PTPRH: variants seen among roughly 807,000 people sequenced by gnomAD.
PTPRH encodes the protein receptor-type tyrosine-protein phosphatase H.
PTPRH carries 113 observed loss-of-function variants against 130.2 expected under a neutral mutation model. That is an observed-to-expected ratio of 0.87 (90% CI 0.75 to 1.01). The LOEUF is 1.01. PTPRH is among the 50% of genes least tolerant of loss of function. The pLI is 0.00. For synonymous variants in PTPRH, 556 were observed against 577.9 expected (o/e 0.96, Z 0.54); for missense variants, 1,430 against 1,425.0 (o/e 1.00, Z -0.06).
chr19:55,190,966 C>T (rs919488241), intron 12 of PTPRH, among the ~76,000 whole-genome samples: 3 of 152,062 alleles, frequency 2.0e-5, no homozygotes, highest in Non-Finnish European at 4.4e-5. Context: ...CTCAGCCTCC[C>T]AAGTAGCTGG....
Position 55,181,767 on chromosome 19 carries a change from T to C in PTPRH, c.3335A>G (p.Lys1112Arg). 1 of 1,614,130 alleles carries C rather than the reference T, an allele frequency of 6.2e-7. No homozygotes were observed. The highest frequency in any genetic ancestry group is 2.2e-5 in the East Asian group (1 of 44,888). Residue 1112 changes from lysine to arginine, a missense_variant, in exon 20 of 20, where the codon AAG becomes AGG. By Grantham distance (26) the Lys-to-Arg change is conservative (BLOSUM62 2). Coordinates refer to ENST00000376350, the MANE Select transcript of PTPRH (RefSeq NM_002842.5). Reference protein sequence around the residue: ...YENVAAIQAHKLEV With the variant: ...YENVAAIQAHRLEV The stretch of plus-strand genomic sequence containing the variant: ...CCCCCTCGTCACTTAGACCTCCAAC[T>C]TGTGGGCCTGGATGGCGGCCACGTT...
Position 55,186,314 on chromosome 19 carries a change from G to A in PTPRH, c.2689C>T (p.Pro897Ser), listed in dbSNP as rs762806635. The A allele has an allele frequency of 2.2e-5, 36 of 1,614,080 alleles. No homozygotes were observed. Among genetic ancestry groups the A allele is most frequent in the Non-Finnish European group, 2.9e-5 (34 of 1,179,972 alleles). The part of the protein sequence containing the change: ...QEFIATQGPL[P>S]QTVGDFWRLV... ...CGCCAGAAGTCACCCACTGTCTGTG[G>A]CAGGGGACCCTGGGTTGCAATGAAC... The change falls in exon 16 of 20, where the codon CCA (proline) becomes TCA (serine). Residue 897 changes from proline (P) to serine (S), a missense_variant. Transcript: ENST00000376350.
chr19:55,204,192 T>C, intron 4 of PTPRH, 144 bp from the exon 5 acceptor site: 1 of 920,092 alleles, frequency 1.1e-6, no homozygotes, highest in South Asian at 1.8e-5. Flanking sequence ...CGATCTCGGC[T>C]CACCACAGCC....
At chr19:55,198,167 G>A (rs1303408293) in intron 8 of PTPRH, among the ~76,000 whole-genome samples, 1 of 152,150 alleles carries the variant, frequency 6.6e-6, no homozygotes, top group Admixed American at 6.6e-5. Context: ...CAGTAACCAT[G>A]ATCACACTAC....
chr19:55,187,973 A>T, intron 13 of PTPRH, 105 bp downstream of exon 13: 1 of 717,700 alleles, frequency 1.4e-6, no homozygotes, highest in South Asian at 1.5e-5. Flanking sequence ...ATGTGATGCT[A>T]CTTTTGCTTA....
intron 1 of PTPRH, 150 bp from the exon 2 acceptor site, chr19:55,207,349 CTCGACCG>C: frequency 1.3e-6 from 1 of 775,328 alleles, no homozygotes; most frequent in Non-Finnish European, 2.1e-6. Context: ...CTGTCACGAC[CTCGACCG>C]TCTTTCCTGG....
rs1159735486 is a variant in PTPRH, at chr19:55,209,340, G to A, written c.51+43C>T. 2 of 1,540,672 alleles carry A rather than the reference G, an allele frequency of 1.3e-6. No homozygotes were observed. Among genetic ancestry groups the A allele is most frequent in the South Asian group, 2.4e-5 (2 of 84,036 alleles). On this transcript the variant is annotated intron_variant, in intron 1 of 19. Transcript: ENST00000376350. The surrounding 1 kb of genome is among the most constrained non-coding windows in gnomAD (Gnocchi z 4.1). The stretch of plus-strand genomic sequence containing the variant: ...CCAGCTCCTTCTCCCTCAGACCTGG[G>A]AGTCCCTGCCTTGGGAGCCCGCTCT...
At chr19:55,201,915 C>G (rs1271474997) in intron 6 of PTPRH, 141 bp downstream of exon 6, 15 of 1,328,542 alleles carry the variant, frequency 1.1e-5, no homozygotes, top group Non-Finnish European at 1.5e-5. Flanking sequence ...ATCTCCTGAG[C>G]TGAGACTGCC....
At position 55,186,455 on chromosome 19, in the gene PTPRH, C is replaced by A. The variant is rs369001173; in HGVS notation, c.2643+9G>T. ...CTGGGCACCCTTTCAATCCCAACCACGACCTTACGGGCATGAAGCTGGCAT... is the reference window on the plus strand; with the variant it reads ...CTGGGCACCCTTTCAATCCCAACCAAGACCTTACGGGCATGAAGCTGGCAT... On this transcript the variant is annotated intron_variant, in intron 15 of 19. Coordinates refer to ENST00000376350, the MANE Select transcript of PTPRH (RefSeq NM_002842.5). 1 of 1,612,804 alleles carries A rather than the reference C, an allele frequency of 6.2e-7. No individual in the cohort carries two copies. Among genetic ancestry groups the A allele is most frequent in the Non-Finnish European group, 8.5e-7 (1 of 1,179,662 alleles).
At chr19:55,195,030 A>G (rs1296630583) in intron 10 of PTPRH, among the ~76,000 whole-genome samples, 1 of 152,098 alleles carries the variant, frequency 6.6e-6, no homozygotes, top group African/African-American at 2.4e-5. Context: ...TCTACTAAAA[A>G]AATTTAAAAA....
In PTPRH at chr19:55,203,932, T is replaced by G. The variant is rs1461249416; in HGVS notation, c.736A>C (p.Thr246Pro). Reference sequence around the variant, plus strand: ...GTCTCTGTTCTGCCACCATCTCCAGTGCACTGAACGCAGTAGGTCGAGTTC... The same window carrying G: ...GTCTCTGTTCTGCCACCATCTCCAGGGCACTGAACGCAGTAGGTCGAGTTC... ...PQNSTYCVQC[T>P]GDGGRTETRN... The change falls in exon 5 of 20, where the codon ACT (threonine) becomes CCT (proline). Residue 246 changes from threonine (T) to proline (P), a missense_variant. By Grantham distance (38) the Thr-to-Pro change is conservative (BLOSUM62 -1). Transcript: ENST00000376350. The G allele has an allele frequency of 6.2e-7, 1 of 1,614,192 alleles. No homozygotes were observed. Among genetic ancestry groups the G allele is most frequent in the African/African-American group, 1.3e-5 (1 of 75,040 alleles).
intron 5 of PTPRH, among the ~76,000 whole-genome samples, 188 bp from the exon 6 acceptor site, chr19:55,202,510 C>T (rs1476670093): frequency 2.6e-5 from 4 of 151,818 alleles, no homozygotes; most frequent in South Asian, 2.1e-4. Context: ...TGAGATGAGC[C>T]GTTAGTGTAA....
At position 55,181,374 on chromosome 19, in the gene PTPRH, T is replaced by C. The variant is rs549572561; in HGVS notation, c.*380A>G. ...CAGATTATAGAAGACTGATTTGGTT[T>C]CTGAAGTAAAATCAAGGCAGGATCC... is the stretch of plus-strand genomic sequence containing the variant. On this transcript the variant is annotated 3_prime_UTR_variant, in exon 20 of 20. Transcript: ENST00000376350. The C allele has an allele frequency of 1.8e-4, 36 of 196,788 alleles. No individual in the cohort carries two copies. The highest frequency in any genetic ancestry group is 3.4e-4 in the Non-Finnish European group (32 of 95,002). 12.2% of individuals were successfully genotyped at this position (196,788 alleles called of 1,614,324 possible). A position where few individuals can be genotyped will look rare whatever the true frequency, so the allele number is the denominator to read the frequency against.
chr19:55,207,320 G>A, intron 1 of PTPRH, 121 bp from the exon 2 acceptor site: 1 of 1,123,624 alleles, frequency 8.9e-7, no homozygotes, highest in South Asian at 1.5e-5. Context: ...TGGGAAGGAG[G>A]GGCCGGTGTT....
intron 5 of PTPRH, among the ~76,000 whole-genome samples, chr19:55,202,628 C>T (rs1442077391): frequency 6.6e-6 from 1 of 151,888 alleles, no homozygotes; most frequent in Non-Finnish European, 1.5e-5. Flanking sequence ...TACACATACA[C>T]ATATATATAC....
chr19:55,206,381 C>T (rs1257874552), intron 3 of PTPRH, among the ~76,000 whole-genome samples: 64 of 149,634 alleles, frequency 4.3e-4, no homozygotes, highest in Non-Finnish European at 1.0e-4. Flanking sequence ...TGGAGTGCAG[C>T]GGTCCAATCA....
intron 5 of PTPRH, 142 bp from the exon 6 acceptor site, chr19:55,202,464 G>A (rs1424707914): frequency 3.2e-5 from 42 of 1,310,206 alleles, no homozygotes; most frequent in Non-Finnish European, 3.1e-5. Flanking sequence ...CGAGTTCCAC[G>A]TGAGTGTTGA....
chr19:55,188,931 C>G (rs1368337480), intron 12 of PTPRH, among the ~76,000 whole-genome samples: 1 of 152,206 alleles, frequency 6.6e-6, no homozygotes, highest in Non-Finnish European at 1.5e-5. Flanking sequence ...ACTTTTCTTG[C>G]TGGACGCACA....
At position 55,206,953 on chromosome 19, in the gene PTPRH, G is replaced by C; in HGVS notation, c.88C>G (p.Pro30Ala). ...ACTGTCAGGTTCCTCCCTGGGTTGG[G>C]GGCTGAGAATTGGGAAGGAAGGTCT... ...CSWTGARAPA[P>A]NPGRNLTVET... Residue 30 changes from proline to alanine, a missense_variant and splice_region_variant, in exon 3 of 20, where the codon CCC becomes GCC. Physicochemically the swap from Pro to Ala is conservative, Grantham distance 27. Transcript: ENST00000376350. The C allele has an allele frequency of 6.3e-7, 1 of 1,590,276 alleles. No homozygotes were observed. The highest frequency in any genetic ancestry group is 8.6e-7 in the Non-Finnish European group (1 of 1,165,606).
Sources: allele counts gnomAD v4.1 joint callset (sites outside exome capture counted in the v4.1 genomes callset), GRCh38; gene constraint gnomAD v4.1.1; non-coding constraint Gnocchi (gnomAD v3.1); transcripts MANE v1.5; gene names NCBI Gene and HGNC (gene_info 2026-07-23, HGNC 2026-07-21).